CTNNA3: variants seen among roughly 807,000 people sequenced by gnomAD.
CTNNA3 encodes catenin alpha-3.
In CTNNA3, 76 loss-of-function variants were observed where a neutral mutation model predicts 95.7. That is an observed-to-expected ratio of 0.79 (90% confidence interval 0.66 to 0.96). CTNNA3 has a LOEUF of 0.96. Ranked by LOEUF, CTNNA3 falls within the 40% of genes least tolerant of loss-of-function variation. The pLI, the probability that CTNNA3 is intolerant of heterozygous loss-of-function variation, is 0.00. For synonymous variants in CTNNA3, 431 were observed against 374.4 expected, an observed-to-expected ratio of 1.15 and a Z score of -1.74; for missense variants, 1,191 against 1,089.8, an observed-to-expected ratio of 1.09 and a Z score of -1.31.
chr10:66,871,188 A>C (rs1400808869), intron 7 of CTNNA3, among the ~76,000 whole-genome samples: 1 of 152,194 alleles, frequency 6.6e-6, no homozygotes, highest in Non-Finnish European at 1.5e-5. Context: ...CTTAGGTTGA[A>C]GAAAATCATA....
At position 67,556,750 on chromosome 10, in the gene CTNNA3, C is replaced by T. The variant is rs192977866; in HGVS notation, c.293-17081G>A. ...TTTGAAGGGTTTTTTGTGTCTCTAT[C>T]TCCTTCAGTTCTGCTCTGATCTTAC... On this transcript the variant is annotated intron_variant, in intron 3 of 17. Coordinates refer to ENST00000433211, the MANE Select transcript of CTNNA3 (RefSeq NM_013266.4). Among the ~76,000 whole-genome samples the T allele has an allele frequency of 6.6e-5, 10 of 152,242 alleles. No homozygotes were observed. In the East Asian group the frequency reaches 1.7e-3, roughly 26 times the overall value.
chr10:67,681,289 G>A (rs919958713), intron 1 of CTNNA3, among the ~76,000 whole-genome samples: 5 of 152,076 alleles, frequency 3.3e-5, no homozygotes, highest in Non-Finnish European at 7.4e-5. Flanking sequence ...ATTATGAAAT[G>A]AAGTTATTTT....
At position 65,926,719 on chromosome 10, in the gene CTNNA3, G is replaced by A. The variant is rs575309724; in HGVS notation, c.2401-6102C>T. Among the ~76,000 whole-genome samples, 6 of 152,092 alleles carry A rather than the reference G, an allele frequency of 3.9e-5. No homozygotes were observed. The South Asian group carries it at 6.2e-4, about 16-fold the overall frequency. ...TTGAACTCCCAACCTTAGGTGATCC[G>A]CCTGCCTTGGCCTCCCAAAGTGCTG... On this transcript the variant is annotated intron_variant, in intron 17 of 17. Coordinates refer to ENST00000433211, the MANE Select transcript of CTNNA3 (RefSeq NM_013266.4).
At chr10:66,976,841 C>T (rs1210054740) in intron 7 of CTNNA3, among the ~76,000 whole-genome samples, 1 of 152,022 alleles carries the variant, frequency 6.6e-6, no homozygotes, top group African/African-American at 2.4e-5. Flanking sequence ...TTAGGAGATA[C>T]CCACGTTTTT....
At chr10:67,335,102 G>T (rs1258543935) in intron 5 of CTNNA3, among the ~76,000 whole-genome samples, 1 of 152,054 alleles carries the variant, frequency 6.6e-6, no homozygotes, top group Admixed American at 6.6e-5. Flanking sequence ...CTGTCAGTAT[G>T]GGGTTTCCAC....
chr10:66,375,320 C>T (rs1336628849), intron 12 of CTNNA3, among the ~76,000 whole-genome samples: 1 of 151,838 alleles, frequency 6.6e-6, no homozygotes, highest in African/African-American at 2.4e-5. Context: ...AAGACTGGGG[C>T]TATAATGAGA....
At chr10:67,075,464 C>G (rs10509280) in intron 7 of CTNNA3, among the ~76,000 whole-genome samples, 52,894 of 151,950 alleles carry the variant, frequency 0.35, 9,603 homozygotes, top group Middle Eastern at 0.56. Context: ...GGACACCTGC[C>G]ACTATTAAGA....
chr10:67,085,375 T>C (rs567805983), intron 7 of CTNNA3, among the ~76,000 whole-genome samples: 2 of 151,506 alleles, frequency 1.3e-5, no homozygotes, highest in Non-Finnish European at 3.0e-5. Context: ...AATTTGTAAA[T>C]GCTAGATGCA....
At chr10:67,061,350 C>G (rs888286773) in intron 7 of CTNNA3, among the ~76,000 whole-genome samples, 1 of 152,168 alleles carries the variant, frequency 6.6e-6, no homozygotes, top group African/African-American at 2.4e-5. Context: ...GATGACAGCA[C>G]TATTTACAAA....
intron 7 of CTNNA3, among the ~76,000 whole-genome samples, chr10:67,156,753 A>G (rs1020722952): frequency 2.0e-5 from 3 of 152,006 alleles, no homozygotes; most frequent in Admixed American, 6.6e-5. Flanking sequence ...AGAAGAATGT[A>G]TATTCTGTTG....
At chr10:66,858,836 C>G (rs1843788385) in intron 7 of CTNNA3, among the ~76,000 whole-genome samples, 1 of 151,690 alleles carries the variant, frequency 6.6e-6, no homozygotes, top group African/African-American at 2.4e-5. Context: ...GTAACAAACT[C>G]CTGGATTTGT....
intron 7 of CTNNA3, among the ~76,000 whole-genome samples, chr10:67,095,055 T>C (rs955106371): frequency 3.0e-5 from 3 of 100,020 alleles, no homozygotes; most frequent in African/African-American, 1.9e-4. Flanking sequence ...ATTATATATG[T>C]ATCTGTATGT....
intron 11 of CTNNA3, among the ~76,000 whole-genome samples, chr10:66,483,930 A>G (rs1205905638): frequency 6.6e-6 from 1 of 152,012 alleles, no homozygotes; most frequent in African/African-American, 2.4e-5. Flanking sequence ...ATTAAAGACT[A>G]CTCTAATTTC....
chr10:66,967,469 G>A (rs1379760750), intron 7 of CTNNA3, among the ~76,000 whole-genome samples: 8 of 151,202 alleles, frequency 5.3e-5, no homozygotes, highest in African/African-American at 1.9e-4. Context: ...ATCAATAATG[G>A]TCCCATCTGG....
intron 15 of CTNNA3, among the ~76,000 whole-genome samples, chr10:66,006,835 A>C (rs867985420): frequency 1.3e-5 from 2 of 152,194 alleles, no homozygotes; most frequent in African/African-American, 4.8e-5. Flanking sequence ...TCATGGCATA[A>C]TATTATTCTA....
At chr10:67,137,598 C>T (rs978041741) in intron 7 of CTNNA3, among the ~76,000 whole-genome samples, 2 of 152,174 alleles carry the variant, frequency 1.3e-5, no homozygotes, top group African/African-American at 4.8e-5. Flanking sequence ...TCAAAATTGT[C>T]TCATTCTCAC....
rs550966186 is a variant in CTNNA3, at chr10:67,187,402, G to A, written c.844-6882C>T. Among the ~76,000 whole-genome samples the A allele has an allele frequency of 4.6e-5, 7 of 152,164 alleles. No individual in the cohort carries two copies. In the East Asian group the frequency reaches 1.4e-3, roughly 29 times the overall value. The stretch of plus-strand genomic sequence containing the variant: ...AAATCCATACACTTTCTACCACTCT[G>A]GGGAAACTGAGATGAGACCACCTGG... On this transcript the variant is annotated intron_variant, in intron 6 of 17. Coordinates refer to ENST00000433211, the MANE Select transcript of CTNNA3 (RefSeq NM_013266.4).
intron 2 of CTNNA3, among the ~76,000 whole-genome samples, chr10:67,639,861 A>G (rs1839464002): frequency 6.6e-6 from 1 of 152,212 alleles, no homozygotes; most frequent in African/African-American, 2.4e-5. Flanking sequence ...ATATCTCAAC[A>G]TAATAAGAGC....
At chr10:66,609,821 C>A (rs952689367) in intron 10 of CTNNA3, among the ~76,000 whole-genome samples, 6 of 152,106 alleles carry the variant, frequency 3.9e-5, no homozygotes, top group Admixed American at 1.3e-4. Flanking sequence ...CAGCACTATT[C>A]ACCATAGCAA....
Sources: allele counts gnomAD v4.1 joint callset (sites outside exome capture counted in the v4.1 genomes callset), GRCh38; gene constraint gnomAD v4.1.1; transcripts MANE v1.5; gene names NCBI Gene and HGNC (gene_info 2026-07-23, HGNC 2026-07-21).